Variants in EXOC4 observed in about 807,000 individuals in gnomAD.
EXOC4 encodes the protein SEC8-like 1.
EXOC4 carries 71 observed loss-of-function variants against 107.2 expected under a neutral mutation model. The ratio of observed to expected loss-of-function variants is 0.66; its 90% confidence interval spans 0.55 to 0.81. The LOEUF (loss-of-function observed/expected upper bound fraction) is 0.81. Among genes scored for constraint, EXOC4 ranks in the 30% least tolerant of loss-of-function variants. The pLI is 0.00. For synonymous variants in EXOC4, 456 were observed against 441.2 expected, an observed-to-expected ratio of 1.03 and a Z score of -0.42; for missense variants, 1,108 against 1,189.6, an observed-to-expected ratio of 0.93 and a Z score of 1.01.
At chr7:133,895,977 G>A (rs2042453) in intron 12 of EXOC4, among the ~76,000 whole-genome samples, 68,943 of 152,032 alleles carry the variant, frequency 0.45, 16,657 homozygotes, top group African/African-American at 0.61. Flanking sequence ...TTATGTGTCA[G>A]CCTTGATGTT....
chr7:133,365,262 T>G (rs1244873417), intron 6 of EXOC4, among the ~76,000 whole-genome samples: 2 of 152,216 alleles, frequency 1.3e-5, no homozygotes, highest in East Asian at 1.9e-4. Context: ...ACCTAAAATC[T>G]TAACTTTTGT....
intron 6 of EXOC4, among the ~76,000 whole-genome samples, chr7:133,368,051 A>G (rs1796284587): frequency 6.6e-6 from 1 of 152,096 alleles, no homozygotes; most frequent in Non-Finnish European, 1.5e-5. Flanking sequence ...TTACTCATGA[A>G]CTCGTTTGCC....
chr7:134,084,862 G>A, the EXOC4 span, among the ~76,000 whole-genome samples: 12 of 152,068 alleles, frequency 7.9e-5, no homozygotes, highest in Admixed American at 7.9e-4. Flanking sequence ...GCAGCCTTCA[G>A]AATCACAGCA....
chr7:133,763,700 AGG>A (rs1491377238), intron 10 of EXOC4, among the ~76,000 whole-genome samples: 6 of 147,234 alleles, frequency 4.1e-5, no homozygotes, highest in Non-Finnish European at 1.5e-5. Flanking sequence ...CTAGCCAAAA[AGG>A]AAAAAAAAAA....
intron 7 of EXOC4, among the ~76,000 whole-genome samples, chr7:133,454,194 C>A (rs1798412331): frequency 6.6e-6 from 1 of 152,174 alleles, no homozygotes; most frequent in South Asian, 2.1e-4. Context: ...ATAAGGAAAT[C>A]TTTTCCTTAA....
In EXOC4 at chr7:133,464,811, G is replaced by GTTTTTTTTTTTTT. The variant is rs3046149; in HGVS notation, c.1183-10504_1183-10492dup. ...TTTTTTTTTTTTGTTGGTTGGGTTGGTTTTTTTTTTTTTTTTTTTTTTTTT... is the reference window on the plus strand; with the variant it reads ...TTTTTTTTTTTTGTTGGTTGGGTTGGTTTTTTTTTTTTTTTTTTTTTTTTTTTTTTTTTTTTTT... On this transcript the variant is annotated intron_variant, in intron 7 of 17. Coordinates refer to ENST00000253861, the MANE Select transcript of EXOC4 (RefSeq NM_021807.4). 1.2e-4 allele frequency among the ~76,000 whole-genome samples: 6 copies of GTTTTTTTTTTTTT among 51,298 alleles called. 1 individual carries two copies. Among genetic ancestry groups the GTTTTTTTTTTTTT allele is most frequent in the African/African-American group, 1.7e-4 (2 of 12,038 alleles). 33.7% of individuals were successfully genotyped at this position (51,298 alleles called of 152,430 possible).
At chr7:134,086,437 T>C in the EXOC4 span, among the ~76,000 whole-genome samples, 1 of 152,222 alleles carries the variant, frequency 6.6e-6, no homozygotes, top group Non-Finnish European at 1.5e-5. Context: ...GCATAAAGTA[T>C]GTAGGGGAGC....
intron 10 of EXOC4, among the ~76,000 whole-genome samples, chr7:133,695,432 A>G (rs1794513492): frequency 6.6e-6 from 1 of 152,300 alleles, no homozygotes; most frequent in South Asian, 2.1e-4. Context: ...TGCGATAAAT[A>G]TGAACATATA....
At chr7:133,270,715 A>G (rs1793848019) in intron 1 of EXOC4, among the ~76,000 whole-genome samples, 1 of 152,174 alleles carries the variant, frequency 6.6e-6, no homozygotes, top group Non-Finnish European at 1.5e-5. Flanking sequence ...CAGCTGGTAG[A>G]GCTCTGCATT....
chr7:134,028,449 A>G (rs982803543), intron 17 of EXOC4, among the ~76,000 whole-genome samples: 1 of 152,258 alleles, frequency 6.6e-6, no homozygotes, highest in African/African-American at 2.4e-5. Flanking sequence ...CTAAACTATA[A>G]GTCGAAACAA....
chr7:133,955,290 T>A (rs1800788273), intron 14 of EXOC4, among the ~76,000 whole-genome samples: 1 of 152,170 alleles, frequency 6.6e-6, no homozygotes, highest in East Asian at 1.9e-4. Context: ...CTCCTTTCTG[T>A]AGCAAAGGCA....
chr7:133,436,337 A>G (rs1275007944), intron 7 of EXOC4, among the ~76,000 whole-genome samples: 1 of 152,106 alleles, frequency 6.6e-6, no homozygotes, highest in Non-Finnish European at 1.5e-5. Flanking sequence ...CAGAGCTATC[A>G]TTACTCATAT....
chr7:133,968,792 C>T (rs1259549765), intron 14 of EXOC4, among the ~76,000 whole-genome samples: 1 of 152,118 alleles, frequency 6.6e-6, no homozygotes, highest in East Asian at 1.9e-4. Context: ...TCATTTCAAC[C>T]TTGGTGAATC....
intron 9 of EXOC4, among the ~76,000 whole-genome samples, chr7:133,521,429 C>G (rs1799977629): frequency 6.6e-6 from 1 of 152,068 alleles, no homozygotes; most frequent in Non-Finnish European, 1.5e-5. Context: ...AAGGCTGTTA[C>G]TTTATAAAAT....
intron 11 of EXOC4, among the ~76,000 whole-genome samples, chr7:133,853,580 C>G (rs1484792159): frequency 6.6e-6 from 1 of 152,056 alleles, no homozygotes; most frequent in Non-Finnish European, 1.5e-5. Context: ...ATCGCCACCT[C>G]TATCTATTTT....
intron 6 of EXOC4, among the ~76,000 whole-genome samples, chr7:133,358,269 G>A (rs1332545270): frequency 6.6e-6 from 1 of 152,120 alleles, no homozygotes; most frequent in Non-Finnish European, 1.5e-5. Context: ...GGGTTTTGGA[G>A]AACAGACCTG....
chr7:133,693,331 CG>C (rs1423230191), intron 10 of EXOC4, among the ~76,000 whole-genome samples: 1 of 152,094 alleles, frequency 6.6e-6, no homozygotes, highest in Non-Finnish European at 1.5e-5. Flanking sequence ...GGATGTAGGC[CG>C]GAAGACTCAG....
chr7:133,387,822 A>C (rs1796761744), intron 7 of EXOC4, among the ~76,000 whole-genome samples: 1 of 152,194 alleles, frequency 6.6e-6, no homozygotes, highest in Non-Finnish European at 1.5e-5. Context: ...TCTGAACACA[A>C]GTACTAGAGA....
chr7:133,800,944 G>A (rs1377664828), intron 10 of EXOC4, among the ~76,000 whole-genome samples: 1 of 152,180 alleles, frequency 6.6e-6, no homozygotes, highest in Admixed American at 6.5e-5. Flanking sequence ...GCTCAAGCTT[G>A]TGGTTGAAGT....
Sources: gnomAD v4.1 joint callset for allele counts (sites outside exome capture counted in the v4.1 genomes callset) on GRCh38, gnomAD v4.1.1 for gene constraint, MANE v1.5 for transcripts, NCBI Gene and HGNC (gene_info 2026-07-23, HGNC 2026-07-21) for gene names.